Variants in SYN3 observed in about 807,000 individuals in gnomAD.
SYN3 encodes synapsin-3.
Under a neutral mutation model 65.8 loss-of-function variants are expected in SYN3, and 35 were observed. The observed-to-expected ratio is 0.53, with a 90% CI of 0.41 to 0.70. SYN3 has a LOEUF of 0.70. Among genes scored for constraint, SYN3 ranks in the 30% least tolerant of loss-of-function variants. SYN3 has a pLI of 0.00. For synonymous variants in SYN3, 270 were observed against 292.9 expected (o/e 0.92, Z 0.80); for missense variants, 680 against 749.0 (o/e 0.91, Z 1.08).
chr22:32,849,571 T>C (rs763060423), intron 6 of SYN3: 5 of 1,592,910 alleles, frequency 3.1e-6, no homozygotes, highest in South Asian at 2.3e-5. Flanking sequence ...GGGAAGGTTT[T>C]TGGGTTTTTG....
intron 4 of SYN3, among the ~76,000 whole-genome samples, chr22:32,884,987 T>A (rs1488648826): frequency 6.6e-6 from 1 of 152,242 alleles, no homozygotes; most frequent in African/African-American, 2.4e-5. Flanking sequence ...ACCAGTTCCC[T>A]ACAGATGGAC....
intron 4 of SYN3, among the ~76,000 whole-genome samples, chr22:32,891,922 T>C (rs755712418): frequency 3.3e-5 from 5 of 151,798 alleles, no homozygotes; most frequent in Non-Finnish European, 7.4e-5. Context: ...AAATTCCAGG[T>C]CTATATAAAA....
chr22:32,971,512 G>C (rs1423324640), intron 3 of SYN3, among the ~76,000 whole-genome samples: 1 of 152,092 alleles, frequency 6.6e-6, no homozygotes, highest in African/African-American at 2.4e-5. Flanking sequence ...ACCAAGCTCT[G>C]GTGAATTTCA....
intron 1 of SYN3, among the ~76,000 whole-genome samples, chr22:33,024,599 G>A (rs2053610734): frequency 1.3e-5 from 2 of 152,094 alleles, no homozygotes; most frequent in Admixed American, 1.3e-4. Context: ...TACATTTTAT[G>A]GACACAATAT....
chr22:32,808,735 T>C (rs966982459), intron 6 of SYN3, among the ~76,000 whole-genome samples: 15 of 152,204 alleles, frequency 9.9e-5, no homozygotes, highest in African/African-American at 3.6e-4. Context: ...TGATCACTCC[T>C]TGGCATTGGT....
intron 6 of SYN3, among the ~76,000 whole-genome samples, chr22:32,654,714 T>C (rs550662806): frequency 2.0e-5 from 3 of 152,368 alleles, no homozygotes; most frequent in Admixed American, 6.5e-5. Flanking sequence ...TAATGTCTGA[T>C]GATCTGTCAT....
chr22:32,890,473 C>T (rs186666948), intron 4 of SYN3, among the ~76,000 whole-genome samples: 105 of 152,188 alleles, frequency 6.9e-4, no homozygotes, highest in Non-Finnish European at 1.2e-3. Flanking sequence ...CTCCGCCTCC[C>T]GGGTTCACAC....
intron 6 of SYN3, among the ~76,000 whole-genome samples, chr22:32,763,944 C>CCT (rs2045556614): frequency 1.1e-5 from 1 of 88,592 alleles, no homozygotes; most frequent in Non-Finnish European, 2.3e-5. Flanking sequence ...CCCCCCCCCC[C>CCT]TTTTTTTTTT....
chr22:32,511,464 C>G lies in SYN3; in HGVS notation c.*2228G>C, dbSNP rs1280181335. ...GGATAGGATTCTGCCAGCTCCTGGC[C>G]AGACTAGTTCTGTTGCATTGCACAG... is the stretch of plus-strand genomic sequence containing the variant. On this transcript the variant is annotated 3_prime_UTR_variant, in exon 14 of 14. Coordinates refer to ENST00000358763, the MANE Select transcript of SYN3 (RefSeq NM_003490.4). Among the ~76,000 whole-genome samples, 2 of 152,194 alleles carry G rather than the reference C, an allele frequency of 1.3e-5. No individual in the cohort carries two copies. Among genetic ancestry groups the G allele is most frequent in the African/African-American group, 2.4e-5 (1 of 41,438 alleles).
At chr22:32,639,385 T>C (rs886298665) in intron 6 of SYN3, among the ~76,000 whole-genome samples, 4 of 152,234 alleles carry the variant, frequency 2.6e-5, no homozygotes, top group Non-Finnish European at 5.9e-5. Context: ...TTTGGCAACT[T>C]TGTCAAAGAT....
At chr22:32,597,204 C>CT (rs6147592) in intron 6 of SYN3, among the ~76,000 whole-genome samples, 17,729 of 86,700 alleles carry the variant, frequency 0.2, 4,203 homozygotes, top group Non-Finnish European at 0.29. Flanking sequence ...ACATTATTCT[C>CT]TTTTTTTTTT....
intron 10 of SYN3, among the ~76,000 whole-genome samples, chr22:32,529,683 G>A (rs2058039065): frequency 6.6e-6 from 1 of 152,176 alleles, no homozygotes; most frequent in African/African-American, 2.4e-5. Flanking sequence ...ACAGGCCAAT[G>A]CTCCACGTGA....
At chr22:33,046,052 C>CTG (rs1301047718) in intron 1 of SYN3, among the ~76,000 whole-genome samples, 1 of 150,242 alleles carries the variant, frequency 6.7e-6, no homozygotes, top group Non-Finnish European at 1.5e-5. Flanking sequence ...GACACTTCGC[C>CTG]AAAGAGAATA....
chr22:32,706,471 T>G (rs2060882240), intron 6 of SYN3, among the ~76,000 whole-genome samples: 1 of 152,124 alleles, frequency 6.6e-6, no homozygotes, highest in Non-Finnish European at 1.5e-5. Flanking sequence ...AAAAATATAT[T>G]TGAACAATTA....
intron 4 of SYN3, among the ~76,000 whole-genome samples, chr22:32,901,364 G>C (rs1273078866): frequency 6.6e-6 from 1 of 152,218 alleles, no homozygotes; most frequent in African/African-American, 2.4e-5. Context: ...CACTGAATTA[G>C]CAAGTATATA....
rs2059404374 is a variant in SYN3 at position 32,608,916 on chromosome 22, A to G, written c.712-12180T>C. ...AAATCAGTACAACTCCCCCTCCTTC[A>G]AATTAGTACTTGATACAGTGATAGC... On this transcript the variant is annotated intron_variant, in intron 6 of 13. Coordinates refer to ENST00000358763, the MANE Select transcript of SYN3 (RefSeq NM_003490.4). Among the ~76,000 whole-genome samples the G allele has an allele frequency of 2.0e-5, 3 of 152,152 alleles. No individual in the cohort carries two copies. In the South Asian group the frequency reaches 6.2e-4, roughly 32 times the overall value.
intron 4 of SYN3, among the ~76,000 whole-genome samples, chr22:32,904,173 C>T (rs1569315799): frequency 6.6e-6 from 1 of 152,198 alleles, no homozygotes; most frequent in Admixed American, 6.5e-5. Flanking sequence ...TCCTTTTCCA[C>T]CTGGGTATCC....
intron 6 of SYN3, among the ~76,000 whole-genome samples, chr22:32,664,315 T>A (rs1447124303): frequency 1.3e-5 from 2 of 152,248 alleles, no homozygotes; most frequent in African/African-American, 4.8e-5. Context: ...GTGCAATTGA[T>A]ATGCCTTCCA....
At chr22:32,988,235 T>G (rs1257908999) in intron 2 of SYN3, among the ~76,000 whole-genome samples, 1 of 151,258 alleles carries the variant, frequency 6.6e-6, no homozygotes, top group African/African-American at 2.4e-5. Context: ...TGAAACCGGG[T>G]GGTGGAGGTT....
Sources: allele counts gnomAD v4.1 joint callset (sites outside exome capture counted in the v4.1 genomes callset), GRCh38; gene constraint gnomAD v4.1.1; transcripts MANE v1.5; gene names NCBI Gene and HGNC (gene_info 2026-07-23, HGNC 2026-07-21).